DCDC1: variants seen among roughly 807,000 people sequenced by gnomAD.
DCDC1 encodes the protein doublecortin domain-containing protein 1.
In DCDC1, 200 loss-of-function variants were observed where a neutral mutation model predicts 178.3. The ratio of observed to expected loss-of-function variants is 1.12; its 90% CI spans 1.00 to 1.26. The LOEUF is 1.26. Ranked by LOEUF, DCDC1 falls within the 50% of genes most tolerant of loss-of-function variation. DCDC1 has a pLI of 0.00. For missense variants in DCDC1, 1,983 were observed against 1,749.2 expected (o/e 1.13, Z -2.38); for synonymous variants, 690 against 604.8 (o/e 1.14, Z -2.07).
Position 30,943,190 on chromosome 11 carries a change from C to CT in DCDC1, c.2715+9254dup, listed in dbSNP as rs923299667. The CT allele has an allele frequency of 3.8e-3, 552 of 145,574 alleles. 2 individuals carry two copies. The highest frequency in any genetic ancestry group is 8.8e-3 in the Admixed American group (128 of 14,536). 9.0% of individuals were successfully genotyped at this position (145,574 alleles called of 1,614,324 possible). On this transcript the variant is annotated intron_variant, in intron 21 of 38. Transcript: ENST00000684477. Reference sequence around the variant, plus strand: ...GTGCTCCCTTAAATTGATCATTCTTCTTTTTTTTTTTATCTCTCTCTCATA... The same window carrying CT: ...GTGCTCCCTTAAATTGATCATTCTTCTTTTTTTTTTTTATCTCTCTCTCATA...
intron 38 of DCDC1, among the ~76,000 whole-genome samples, chr11:30,867,719 T>C (rs1458823843): frequency 6.6e-6 from 1 of 152,076 alleles, no homozygotes; most frequent in Non-Finnish European, 1.5e-5. Context: ...AAGGTGAAGG[T>C]GACCCCATAT....
At chr11:30,949,700 T>C (rs1453667885) in intron 21 of DCDC1, among the ~76,000 whole-genome samples, 1 of 152,118 alleles carries the variant, frequency 6.6e-6, no homozygotes, top group African/African-American at 2.4e-5. Flanking sequence ...TTTGTGTCCT[T>C]TGCAGGGACA....
At chr11:31,012,141 T>C (rs555928885) in intron 20 of DCDC1, among the ~76,000 whole-genome samples, 3 of 152,272 alleles carry the variant, frequency 2.0e-5, no homozygotes, top group Admixed American at 6.5e-5. Context: ...TCCTGAGGTC[T>C]CCCCAACCAT....
intron 21 of DCDC1, among the ~76,000 whole-genome samples, chr11:30,941,633 A>G (rs1009074631): frequency 1.2e-4 from 18 of 152,308 alleles, no homozygotes; most frequent in Admixed American, 2.6e-4. Context: ...GAAATTTACT[A>G]GTAATATTCC....
At chr11:31,297,841 C>T (rs1565572578) in intron 6 of DCDC1, among the ~76,000 whole-genome samples, 1 of 152,110 alleles carries the variant, frequency 6.6e-6, no homozygotes, top group Non-Finnish European at 1.5e-5. Context: ...CCTTAATGGC[C>T]CATCCCCACT....
intron 7 of DCDC1, among the ~76,000 whole-genome samples, chr11:31,290,364 G>C (rs1947136063): frequency 6.6e-6 from 1 of 151,986 alleles, no homozygotes; most frequent in South Asian, 2.1e-4. Flanking sequence ...AGAATGTTTA[G>C]AATGTTTTCT....
intron 9 of DCDC1, among the ~76,000 whole-genome samples, chr11:31,220,044 C>T (rs1482847506): frequency 2.6e-5 from 4 of 152,070 alleles, no homozygotes; most frequent in South Asian, 2.1e-4. Context: ...TCTGAAGATA[C>T]GCCATGAATT....
intron 20 of DCDC1, among the ~76,000 whole-genome samples, chr11:31,060,784 G>A (rs747975420): frequency 1.4e-4 from 22 of 151,848 alleles, no homozygotes; most frequent in East Asian, 3.9e-4. Context: ...CAAATCACCC[G>A]CCCATTTGGT....
chr11:30,946,965 A>G (rs1373017340), intron 21 of DCDC1, among the ~76,000 whole-genome samples: 2 of 152,148 alleles, frequency 1.3e-5, no homozygotes, highest in Non-Finnish European at 2.9e-5. Context: ...AAGAATCACA[A>G]CAGGCTAAAT....
intron 16 of DCDC1, among the ~76,000 whole-genome samples, chr11:31,092,205 A>G (rs939111190): frequency 2.0e-5 from 3 of 152,180 alleles, no homozygotes; most frequent in Non-Finnish European, 4.4e-5. Flanking sequence ...AGAGAGTTCA[A>G]TCTTAAAGGA....
intron 20 of DCDC1, among the ~76,000 whole-genome samples, chr11:31,037,228 C>T (rs951095354): frequency 7.9e-5 from 12 of 152,058 alleles, no homozygotes; most frequent in African/African-American, 2.4e-5. Flanking sequence ...GCACATATGG[C>T]GCCATATTGA....
At chr11:30,955,789 T>G (rs1948740846) in intron 20 of DCDC1, among the ~76,000 whole-genome samples, 1 of 152,216 alleles carries the variant, frequency 6.6e-6, no homozygotes, top group South Asian at 2.1e-4. Context: ...GCCACTGTCT[T>G]GTGCTTGCCC....
chr11:31,250,421 C>CACATATATATATATAT (rs1555146241), intron 8 of DCDC1, among the ~76,000 whole-genome samples: 2 of 52,868 alleles, frequency 3.8e-5, no homozygotes, highest in African/African-American at 5.1e-5. Flanking sequence ...CACACATATA[C>CACATATATATATATAT]ATATATATGT....
intron 9 of DCDC1, among the ~76,000 whole-genome samples, chr11:31,152,851 G>T (rs1241571833): frequency 6.6e-6 from 1 of 152,114 alleles, no homozygotes; most frequent in South Asian, 2.1e-4. Flanking sequence ...CCACAGAACG[G>T]CATAATTAGT....
chr11:31,223,702 T>C (rs1005642382), intron 9 of DCDC1, among the ~76,000 whole-genome samples: 1 of 152,146 alleles, frequency 6.6e-6, no homozygotes, highest in Admixed American at 6.6e-5. Context: ...ATCTTTATAT[T>C]TCAGCATAAA....
rs1338197282 is a variant in DCDC1 at position 30,900,382 on chromosome 11, A to G, written c.4627T>C (p.Trp1543Arg). ...TLILRNPIAI[W>R]VSCGEPFLPP... Reference sequence around the variant, plus strand: ...AGAAATGGTTCACCACAAGACACCCAGATGGCAATAGGATTTCTGAGGATG... The same window carrying G: ...AGAAATGGTTCACCACAAGACACCCGGATGGCAATAGGATTTCTGAGGATG... Residue 1543 changes from tryptophan (W) to arginine (R), a missense_variant, in exon 33 of 39, where the codon TGG becomes CGG. Trp to Arg is a moderately radical substitution (Grantham distance 101). Coordinates refer to ENST00000684477, the MANE Select transcript of DCDC1 (RefSeq NM_001387274.1). 8 of 1,574,616 alleles carry G rather than the reference A, an allele frequency of 5.1e-6. No homozygotes were observed. The highest frequency in any genetic ancestry group is 6.0e-6 in the Non-Finnish European group (7 of 1,159,580).
At chr11:30,887,036 T>G (rs1943238388) in intron 36 of DCDC1, among the ~76,000 whole-genome samples, 1 of 152,184 alleles carries the variant, frequency 6.6e-6, no homozygotes, top group Non-Finnish European at 1.5e-5. Context: ...GTTATTTTAC[T>G]TGGTTTCTCC....
At chr11:31,083,705 C>T (rs912238400) in intron 17 of DCDC1, among the ~76,000 whole-genome samples, 8 of 152,194 alleles carry the variant, frequency 5.3e-5, no homozygotes, top group Admixed American at 3.9e-4. Context: ...TTTCTATAGG[C>T]TCACGACTAA....
chr11:31,242,583 T>C (rs1487184017), intron 8 of DCDC1, among the ~76,000 whole-genome samples: 1 of 151,938 alleles, frequency 6.6e-6, no homozygotes, highest in Non-Finnish European at 1.5e-5. Context: ...CTTATTCTGA[T>C]ACACATTTCT....
Sources: allele counts gnomAD v4.1 joint callset (sites outside exome capture counted in the v4.1 genomes callset), GRCh38; gene constraint gnomAD v4.1.1; transcripts MANE v1.5; gene names NCBI Gene and HGNC (gene_info 2026-07-23, HGNC 2026-07-21).